Variants in FAT3 observed in about 807,000 individuals in gnomAD.
FAT3 encodes the protein protocadherin Fat 3.
A neutral mutation model predicts 310.2 loss-of-function variants in FAT3; 95 were observed. That is an observed-to-expected ratio of 0.31 (90% CI 0.26 to 0.36). The LOEUF (loss-of-function observed/expected upper bound fraction) is 0.36. FAT3 is among the 10% of genes least tolerant of loss of function. FAT3 has a pLI of 1.00. For missense variants in FAT3, 5,408 were observed against 5,715.6 expected (o/e 0.95, Z 1.74); for synonymous variants, 2,314 against 2,192.9 (o/e 1.06, Z -1.54).
At position 92,658,002 on chromosome 11, in the gene FAT3, G is replaced by T. The variant is rs1337328969; in HGVS notation, c.3608-39382G>T. 2.6e-5 allele frequency among the ~76,000 whole-genome samples: 4 copies of T among 152,192 alleles called. No individual in the cohort carries two copies. In the East Asian group the frequency reaches 7.7e-4, roughly 29 times the overall value. On this transcript the variant is annotated intron_variant, in intron 3 of 27. Transcript: ENST00000525166. ...TGCCACATTAAAAAAGTGAAAAAAAGGCTAAAATAATTTAACAACATATTT... is the reference window on the plus strand; with the variant it reads ...TGCCACATTAAAAAAGTGAAAAAAATGCTAAAATAATTTAACAACATATTT...
At chr11:92,434,170 C>T (rs1461597180) in intron 2 of FAT3, among the ~76,000 whole-genome samples, 1 of 152,030 alleles carries the variant, frequency 6.6e-6, no homozygotes, top group East Asian at 1.9e-4. Context: ...TCAAAGAACT[C>T]CTATTCCGGG....
intron 3 of FAT3, among the ~76,000 whole-genome samples, chr11:92,630,896 C>A (rs1941534647): frequency 6.6e-6 from 1 of 152,124 alleles, no homozygotes; most frequent in East Asian, 1.9e-4. Context: ...GGTAGGTGAT[C>A]AATAGAGTTA....
At chr11:92,745,542 A>T (rs2136038210) in intron 4 of FAT3, among the ~76,000 whole-genome samples, 1 of 147,672 alleles carries the variant, frequency 6.8e-6, no homozygotes, top group South Asian at 2.2e-4. Flanking sequence ...GGAAATGGAA[A>T]TGTGATGAGA....
At chr11:92,275,465 A>G (rs1946245365) in intron 1 of FAT3, among the ~76,000 whole-genome samples, 1 of 152,068 alleles carries the variant, frequency 6.6e-6, no homozygotes, top group African/African-American at 2.4e-5. Context: ...CTGATTGGCA[A>G]ACATAAGAAT....
intron 1 of FAT3, among the ~76,000 whole-genome samples, chr11:92,331,477 G>A (rs1947923014): frequency 1.3e-5 from 2 of 152,142 alleles, no homozygotes. Context: ...AGCCCCTCAG[G>A]GCAGGTGTGG....
intron 13 of FAT3, among the ~76,000 whole-genome samples, chr11:92,829,774 T>G (rs1284119944): frequency 6.6e-6 from 1 of 152,092 alleles, no homozygotes; most frequent in Admixed American, 6.5e-5. Context: ...GAAAAAGAAA[T>G]AAAAGTAAAT....
intron 18 of FAT3, among the ~76,000 whole-genome samples, chr11:92,843,469 A>AT (rs1948597621): frequency 6.6e-6 from 1 of 152,240 alleles, no homozygotes; most frequent in Non-Finnish European, 1.5e-5. Flanking sequence ...CCTTACCATG[A>AT]TATAATTCCC....
chr11:92,844,292 A>C lies in FAT3; in HGVS notation c.10925A>C (p.His3642Pro), dbSNP rs192847522. ...DVVVHVEQLV[H>P]EMLQNTVTIR... ...GTCGTGCATGTGGAGCAGTTGGTGC[A>C]TGAGATGCTGCAGAACACTGTCACC... Residue 3642 changes from histidine to proline, a missense_variant, in exon 19 of 28, where the codon CAT becomes CCT. Coordinates refer to ENST00000525166, the MANE Select transcript of FAT3 (RefSeq NM_001367949.2). 1.2e-6 allele frequency: 2 copies of C among 1,613,994 alleles called. No homozygotes were observed. Among genetic ancestry groups the C allele is most frequent in the East Asian group, 2.2e-5 (1 of 44,880 alleles).
chr11:92,849,364 T>C (rs1948760658), intron 19 of FAT3, among the ~76,000 whole-genome samples: 2 of 152,298 alleles, frequency 1.3e-5, no homozygotes, highest in South Asian at 2.1e-4. Flanking sequence ...GCACCAGTAC[T>C]GGGAGCTCAC....
chr11:92,576,765 A>G (rs1938504402), intron 3 of FAT3, among the ~76,000 whole-genome samples: 1 of 152,138 alleles, frequency 6.6e-6, no homozygotes, highest in Non-Finnish European at 1.5e-5. Context: ...AAAAGGAAAA[A>G]ACAGAAAAAC....
At chr11:92,809,130 A>C (rs1413982828) in intron 12 of FAT3, among the ~76,000 whole-genome samples, 2 of 152,188 alleles carry the variant, frequency 1.3e-5, no homozygotes, top group African/African-American at 2.4e-5. Context: ...GCTGGTTTCC[A>C]GCACCAATGC....
At chr11:92,412,065 CAGG>C (rs1172609170) in intron 2 of FAT3, among the ~76,000 whole-genome samples, 1 of 151,966 alleles carries the variant, frequency 6.6e-6, no homozygotes, top group Admixed American at 6.6e-5. Flanking sequence ...TTTACCTCTG[CAGG>C]AGTAGATGGG....
chr11:92,490,336 C>T (rs1017533974), intron 2 of FAT3, among the ~76,000 whole-genome samples: 3 of 152,104 alleles, frequency 2.0e-5, no homozygotes, highest in Non-Finnish European at 4.4e-5. Context: ...TAAAATATTA[C>T]TACAGTGTTC....
chr11:92,524,795 A>G lies in FAT3; in HGVS notation c.3454A>G (p.Ile1152Val), dbSNP rs778030890. 31 of 1,613,608 alleles carry G rather than the reference A, an allele frequency of 1.9e-5. 1 individual carries two copies. The highest frequency in any genetic ancestry group is 1.3e-4 in the South Asian group (12 of 91,060). Residue 1152 changes from isoleucine to valine, a missense_variant, in exon 3 of 28, where the codon ATA becomes GTA. Coordinates refer to ENST00000525166, the MANE Select transcript of FAT3 (RefSeq NM_001367949.2). ...CAATGCCCCGCTGACCTCAGAACCTATATATTATCCTGTTGTCATGGAAAA... is the reference window on the plus strand; with the variant it reads ...CAATGCCCCGCTGACCTCAGAACCTGTATATTATCCTGTTGTCATGGAAAA... The part of the protein sequence containing the change: ...NDNAPLTSEP[I>V]YYPVVMENSP...
At chr11:92,293,502 G>A (rs1946756477) in intron 1 of FAT3, among the ~76,000 whole-genome samples, 1 of 132,638 alleles carries the variant, frequency 7.5e-6, no homozygotes, top group South Asian at 2.4e-4. Flanking sequence ...ATTTGAAGCA[G>A]AACCTCAGAT....
intron 4 of FAT3, among the ~76,000 whole-genome samples, chr11:92,760,125 A>G (rs530391341): frequency 6.6e-6 from 1 of 152,366 alleles, no homozygotes; most frequent in South Asian, 2.1e-4. Flanking sequence ...CAACCTTGGC[A>G]CATTTTGGTC....
intron 3 of FAT3, among the ~76,000 whole-genome samples, chr11:92,633,814 A>G (rs1468525988): frequency 6.6e-6 from 1 of 152,154 alleles, no homozygotes; most frequent in South Asian, 2.1e-4. Context: ...GTTAACAGAA[A>G]AAGTAAAATT....
At chr11:92,268,553 C>A (rs988766995) in intron 1 of FAT3, among the ~76,000 whole-genome samples, 1 of 151,750 alleles carries the variant, frequency 6.6e-6, no homozygotes, top group Non-Finnish European at 1.5e-5. Flanking sequence ...CTTCCCCATT[C>A]TTTGTAAAAG....
chr11:92,678,141 T>C (rs1389873915), intron 3 of FAT3, among the ~76,000 whole-genome samples: 8 of 152,142 alleles, frequency 5.3e-5, no homozygotes, highest in African/African-American at 1.9e-4. Flanking sequence ...AGGGAAACAA[T>C]CAGAGGCTGA....
Sources: gnomAD v4.1 joint callset for allele counts (sites outside exome capture counted in the v4.1 genomes callset) on GRCh38, gnomAD v4.1.1 for gene constraint, MANE v1.5 for transcripts, NCBI Gene and HGNC (gene_info 2026-07-23, HGNC 2026-07-21) for gene names.